The following ADSS2 variants were observed in gnomAD, a reference collection of about 807,000 sequenced individuals.
ADSS2 encodes the protein adenylosuccinate synthase 2.
A neutral mutation model predicts 60.0 loss-of-function variants in ADSS2; 30 were observed. The ratio of observed to expected loss-of-function variants is 0.50; its 90% CI spans 0.37 to 0.68. ADSS2 has a LOEUF of 0.68. ADSS2 is among the 30% of genes least tolerant of loss of function. ADSS2 has a pLI of 0.00. For synonymous variants in ADSS2, 187 were observed against 193.1 expected (o/e 0.97, Z 0.26); for missense variants, 373 against 554.8 (o/e 0.67, Z 3.29).
chr1:244,445,756 C>T (rs1459707767), intron 1 of ADSS2, among the ~76,000 whole-genome samples: 2 of 152,156 alleles, frequency 1.3e-5, no homozygotes, highest in African/African-American at 4.8e-5. Context: ...CTAAATCACT[C>T]CTTTCTTCGC....
At chr1:244,421,031 AGGGCC>A (rs1664663990) in intron 7 of ADSS2, among the ~76,000 whole-genome samples, 1 of 5,098 alleles carries the variant, frequency 2.0e-4, no homozygotes, top group Non-Finnish European at 4.7e-4. Flanking sequence ...AAATGTGGTG[AGGGCC>A]ACGAGTTACA....
chr1:244,451,875 C>A lies in ADSS2; in HGVS notation c.-58G>T. On this transcript the variant is annotated 5_prime_UTR_variant, in exon 1 of 13. Coordinates refer to ENST00000366535, the MANE Select transcript of ADSS2 (RefSeq NM_001126.5). This position sits in a 1 kb window ranked among gnomAD's most constrained non-coding sequence, Gnocchi z 6.6. The stretch of plus-strand genomic sequence containing the variant: ...AGGCGGCCGGCGAGGAGTGAGCGAA[C>A]TGAACTGCTCTGCGGCCGCCAGCCA... The A allele has an allele frequency of 2.8e-6, 4 of 1,441,842 alleles. No homozygotes were observed. The highest frequency in any genetic ancestry group is 3.7e-6 in the Non-Finnish European group (4 of 1,092,744). The allele number at this position is 1,441,842 out of a possible 1,614,324, so 89.3% of individuals were successfully genotyped here. A position where few individuals can be genotyped will look rare whatever the true frequency, so the allele number is the denominator to read the frequency against.
intron 7 of ADSS2, among the ~76,000 whole-genome samples, chr1:244,421,683 T>C (rs531815262): frequency 4.6e-5 from 7 of 152,314 alleles, no homozygotes; most frequent in Admixed American, 2.0e-4. Flanking sequence ...AGTTAAAATA[T>C]TTGTTGCATA....
At chr1:244,428,621 T>C (rs1447180644) in intron 4 of ADSS2, among the ~76,000 whole-genome samples, 1 of 148,668 alleles carries the variant, frequency 6.7e-6, no homozygotes, top group African/African-American at 2.5e-5. Flanking sequence ...CCAAAGAAAG[T>C]AGAAAGAAGA....
rs973522090 is a variant in ADSS2 at position 244,420,372 on chromosome 1, C to T, written c.664-76G>A. 3.7e-6 allele frequency: 5 copies of T among 1,343,762 alleles called. No individual in the cohort carries two copies. In the Admixed American group the frequency reaches 1.1e-4, roughly 30 times the overall value. The allele number at this position is 1,343,762 out of a possible 1,614,324, so 83.2% of individuals were successfully genotyped here. Reference sequence around the variant, plus strand: ...CATAACCAGAACAAGAATAAATTACCTGACTTTATGACATGAAAACTGACA... The same window carrying T: ...CATAACCAGAACAAGAATAAATTACTTGACTTTATGACATGAAAACTGACA... On this transcript the variant is annotated intron_variant, in intron 7 of 12. Coordinates refer to ENST00000366535, the MANE Select transcript of ADSS2 (RefSeq NM_001126.5).
chr1:244,425,858 T>C (rs1664791599), intron 4 of ADSS2, among the ~76,000 whole-genome samples: 1 of 152,122 alleles, frequency 6.6e-6, no homozygotes, highest in Non-Finnish European at 1.5e-5. Flanking sequence ...TAAAGCCATA[T>C]CAGTATACTG....
At chr1:244,447,269 A>C (rs529342801) in intron 1 of ADSS2, among the ~76,000 whole-genome samples, 46 of 152,364 alleles carry the variant, frequency 3.0e-4, no homozygotes, top group African/African-American at 1.1e-3. Flanking sequence ...TTACAGAAAG[A>C]AAGCTATTAA....
intron 11 of ADSS2, among the ~76,000 whole-genome samples, chr1:244,415,145 C>T (rs1160906816): frequency 1.3e-5 from 2 of 152,190 alleles, no homozygotes; most frequent in African/African-American, 4.8e-5. Context: ...TTCTAGAGTA[C>T]ATTACCATAG....
chr1:244,447,388 A>C lies in ADSS2; in HGVS notation c.183+4247T>G, dbSNP rs73129741. 6.7e-3 allele frequency among the ~76,000 whole-genome samples: 1,027 copies of C among 152,294 alleles called. 18 individuals carry two copies. Among genetic ancestry groups the C allele is most frequent in the African/African-American group, 0.023 (936 of 41,566 alleles). On this transcript the variant is annotated intron_variant, in intron 1 of 12. Coordinates refer to ENST00000366535, the MANE Select transcript of ADSS2 (RefSeq NM_001126.5). ...CATCCATTCCCACCAAAGTTAAAGAAACAGAATAATTTTGATCAGACACCA... is the reference window on the plus strand; with the variant it reads ...CATCCATTCCCACCAAAGTTAAAGACACAGAATAATTTTGATCAGACACCA...
At position 244,411,381 on chromosome 1, in the gene ADSS2, C is replaced by T; in HGVS notation, c.1224G>A (p.Trp408Ter). Residue 408 changes from tryptophan to a stop codon, truncating the protein, a stop_gained, in exon 12 of 13, where the codon TGG (tryptophan) becomes TGA (stop). Coordinates refer to ENST00000366535, the MANE Select transcript of ADSS2 (RefSeq NM_001126.5). LOFTEE classifies it high-confidence loss of function. ...VEVQYKTLPGWNTDISNARAF... is the reference protein window; with the variant it reads ...VEVQYKTLPG ...CCCTTGCATTTGATATGTCTGTGTT[C>T]CATCCTGGGAGAGTCTTATATTGAA... The T allele has an allele frequency of 6.2e-7, 1 of 1,613,796 alleles. No individual in the cohort carries two copies. The highest frequency in any genetic ancestry group is 8.5e-7 in the Non-Finnish European group (1 of 1,179,872).
At chr1:244,436,760 G>T in intron 3 of ADSS2, 65 bp downstream of exon 3, 1 of 1,376,034 alleles carries the variant, frequency 7.3e-7, no homozygotes, top group Non-Finnish European at 1.0e-6. Context: ...TGTTCGTCTG[G>T]CATAAGATCC....
rs376069777 is a variant in ADSS2, at chr1:244,445,938, C to G, written c.183+5697G>C. 2.3e-4 allele frequency among the ~76,000 whole-genome samples: 35 copies of G among 152,264 alleles called. 1 individual carries two copies. Among genetic ancestry groups the G allele is most frequent in the African/African-American group, 7.5e-4 (31 of 41,540 alleles). Reference sequence around the variant, plus strand: ...TTTCAGGCTAGTTAGGCCTCTGTGTCTTATCTTTGTCCTTTTGCTTTGAAT... The same window carrying G: ...TTTCAGGCTAGTTAGGCCTCTGTGTGTTATCTTTGTCCTTTTGCTTTGAAT... On this transcript the variant is annotated intron_variant, in intron 1 of 12. Coordinates refer to ENST00000366535, the MANE Select transcript of ADSS2 (RefSeq NM_001126.5).
At chr1:244,444,372 G>A (rs1240245963) in intron 1 of ADSS2, among the ~76,000 whole-genome samples, 3 of 149,426 alleles carry the variant, frequency 2.0e-5, no homozygotes, top group Admixed American at 6.7e-5. Context: ...AAAATTAGCC[G>A]GGCGTAGTGG....
chr1:244,450,487 C>T (rs1344881563), intron 1 of ADSS2, among the ~76,000 whole-genome samples: 1 of 152,204 alleles, frequency 6.6e-6, no homozygotes, highest in Non-Finnish European at 1.5e-5. Flanking sequence ...CCTGTGATTT[C>T]ATTGTTTCTG....
intron 1 of ADSS2, among the ~76,000 whole-genome samples, chr1:244,442,623 T>TG (rs1473368374): frequency 6.6e-6 from 1 of 152,078 alleles, no homozygotes; most frequent in Non-Finnish European, 1.5e-5. Context: ...GTGAGGCAGT[T>TG]GGGGTATAAC....
chr1:244,451,541 G>A lies in ADSS2; in HGVS notation c.183+94C>T. The A allele has an allele frequency of 2.9e-6, 4 of 1,368,130 alleles. No homozygotes were observed. The highest frequency in any genetic ancestry group is 3.9e-6 in the Non-Finnish European group (4 of 1,020,232). 84.7% of individuals were successfully genotyped at this position (1,368,130 alleles called of 1,614,324 possible). On this transcript the variant is annotated intron_variant, in intron 1 of 12. Transcript: ENST00000366535. This position sits in a 1 kb window ranked among gnomAD's most constrained non-coding sequence, Gnocchi z 6.6. ...AAGGTGACACCTCATTTTGGCCAGT[G>A]GATCCGGGTTCTGGGTCCGAGTTCC...
At chr1:244,449,423 T>TA (rs1016849281) in intron 1 of ADSS2, among the ~76,000 whole-genome samples, 2 of 152,186 alleles carry the variant, frequency 1.3e-5, no homozygotes, top group African/African-American at 4.8e-5. Flanking sequence ...ACACAAAACT[T>TA]AAGACATCAA....
In ADSS2 at chr1:244,424,104, T is replaced by C. The variant is rs775584047; in HGVS notation, c.474-44A>G. ...CAAGCTTTAAGTCAGACAAGAAAGA[T>C]GTAGGTCTCCTGGTCAGATCATTGC... is the stretch of plus-strand genomic sequence containing the variant. On this transcript the variant is annotated intron_variant, in intron 5 of 12. Transcript: ENST00000366535. 7 of 1,524,374 alleles carry C rather than the reference T, an allele frequency of 4.6e-6. No homozygotes were observed. The African/African-American group carries it at 8.3e-5, about 18-fold the overall frequency. 94.4% of individuals were successfully genotyped at this position (1,524,374 alleles called of 1,614,324 possible). A position where few individuals can be genotyped will look rare whatever the true frequency, so the allele number is the denominator to read the frequency against.
At chr1:244,444,322 C>T (rs1038856451) in intron 1 of ADSS2, among the ~76,000 whole-genome samples, 7 of 150,144 alleles carry the variant, frequency 4.7e-5, no homozygotes, top group Non-Finnish European at 8.9e-5. Flanking sequence ...GAGACCATCC[C>T]GGCTAAAACG....
Sources: allele counts gnomAD v4.1 joint callset (sites outside exome capture counted in the v4.1 genomes callset), GRCh38; gene constraint gnomAD v4.1.1; non-coding constraint Gnocchi (gnomAD v3.1); transcripts MANE v1.5; gene names NCBI Gene and HGNC (gene_info 2026-07-23, HGNC 2026-07-21).